Variants in SCUBE1 observed in about 807,000 individuals in gnomAD.
SCUBE1 encodes signal peptide, CUB and EGF-like domain-containing protein 1.
In SCUBE1, 59 loss-of-function variants were observed where a neutral mutation model predicts 124.4. The observed-to-expected ratio is 0.47, with a 90% CI of 0.38 to 0.59. The LOEUF is 0.59. Among genes scored for constraint, SCUBE1 ranks in the 20% least tolerant of loss-of-function variants. The pLI, the probability that SCUBE1 is intolerant of heterozygous loss-of-function variation, is 0.00. For missense variants in SCUBE1, 1,150 were observed against 1,371.2 expected, an observed-to-expected ratio of 0.84 and a Z score of 2.55; for synonymous variants, 545 against 550.9, an observed-to-expected ratio of 0.99 and a Z score of 0.15.
At chr22:43,291,504 TTTGCTGTGCTACAGTG>T in intron 3 of SCUBE1, among the ~76,000 whole-genome samples, 1 of 103,994 alleles carries the variant, frequency 9.6e-6, no homozygotes, top group Non-Finnish European at 2.3e-5. Flanking sequence ...GGGTCTCCAT[TTTGCTGTGCTACAGTG>T]GTACAGTGGG....
intron 4 of SCUBE1, among the ~76,000 whole-genome samples, chr22:43,279,504 A>C (rs1160889141): frequency 6.6e-6 from 1 of 152,262 alleles, no homozygotes. Context: ...CTATTGCGGC[A>C]GCCCTCACCA....
At chr22:43,235,877 A>G (rs1922740750) in intron 7 of SCUBE1, among the ~76,000 whole-genome samples, 1 of 152,082 alleles carries the variant, frequency 6.6e-6, no homozygotes, top group Non-Finnish European at 1.5e-5. Context: ...GGTACCCAGC[A>G]GGGAGCCCTT....
At chr22:43,319,006 G>A (rs75133096) in intron 3 of SCUBE1, among the ~76,000 whole-genome samples, 11,749 of 152,208 alleles carry the variant, frequency 0.077, 1,511 homozygotes, top group African/African-American at 0.27. Flanking sequence ...ACAAGTGTGA[G>A]CCACCACACC....
chr22:43,294,577 C>T (rs12160161), intron 3 of SCUBE1, among the ~76,000 whole-genome samples: 2,752 of 152,336 alleles, frequency 0.018, 100 homozygotes, highest in African/African-American at 0.064. Context: ...AAAAGGGGAA[C>T]CCACACCTGG....
intron 2 of SCUBE1, among the ~76,000 whole-genome samples, chr22:43,334,712 C>T (rs866437404): frequency 2.6e-5 from 4 of 151,984 alleles, no homozygotes; most frequent in South Asian, 2.1e-4. Flanking sequence ...CCCCCATCAC[C>T]CTCATCATCA....
chr22:43,285,681 A>C (rs1170556468), intron 4 of SCUBE1, among the ~76,000 whole-genome samples: 2 of 152,098 alleles, frequency 1.3e-5, no homozygotes, highest in African/African-American at 4.8e-5. Context: ...GGGCGGGGTG[A>C]GGAGCAGGGC....
At chr22:43,214,623 C>T (rs1161551987) in intron 15 of SCUBE1, among the ~76,000 whole-genome samples, 1 of 152,198 alleles carries the variant, frequency 6.6e-6, no homozygotes, top group Non-Finnish European at 1.5e-5. Context: ...GGATATGCTA[C>T]AGTCATTTCA....
chr22:43,291,019 T>A (rs763723471), intron 4 of SCUBE1, 27 bp downstream of exon 4: 2 of 1,558,030 alleles, frequency 1.3e-6, no homozygotes, highest in Non-Finnish European at 1.8e-6. Flanking sequence ...GGGGGGGACA[T>A]GCCTGGTCAG....
intron 4 of SCUBE1, among the ~76,000 whole-genome samples, chr22:43,279,719 C>CA (rs1413064402): frequency 2.0e-5 from 3 of 152,342 alleles, no homozygotes; most frequent in East Asian, 3.9e-4. Context: ...CAGCTTCTGT[C>CA]ACAGCCCTCC....
At chr22:43,339,040 A>AT in intron 2 of SCUBE1, 64 bp downstream of exon 2, 1 of 1,594,940 alleles carries the variant, frequency 6.3e-7, no homozygotes, top group South Asian at 1.1e-5. Flanking sequence ...TGGGGCAGGC[A>AT]TCGGCCACCT....
chr22:43,343,116 C>T (rs1238811974), intron 1 of SCUBE1, 58 bp downstream of exon 1: 2 of 888,246 alleles, frequency 2.3e-6, no homozygotes, highest in Admixed American at 5.2e-5. Context: ...TCCGGGACCG[C>T]GCCTCGGCCG....
At position 43,320,058 on chromosome 22, in the gene SCUBE1, G is replaced by A. The variant is rs1465064954; in HGVS notation, c.228C>T (p.Asp76=). The change falls in exon 3 of 22, where the codon GAC becomes GAT. Residue 76 remains aspartate (D), a synonymous_variant. Coordinates refer to ENST00000360835, the MANE Select transcript of SCUBE1 (RefSeq NM_173050.5). Reference sequence around the variant, plus strand: ...CATTGTAGTAGTCATTCTCACACTCGTCAATGTCTGCAAAAGGAAGGGCAT... The same window carrying A: ...CATTGTAGTAGTCATTCTCACACTCATCAATGTCTGCAAAAGGAAGGGCAT... ...KGEGKQCEDI[D]ECENDYYNGG... 4.3e-6 allele frequency: 7 copies of A among 1,613,890 alleles called. No individual in the cohort carries two copies. The highest frequency in any genetic ancestry group is 2.2e-5 in the East Asian group (1 of 44,872).
chr22:43,305,255 T>C (rs984079801), intron 3 of SCUBE1, among the ~76,000 whole-genome samples: 1 of 152,168 alleles, frequency 6.6e-6, no homozygotes, highest in Non-Finnish European at 1.5e-5. Flanking sequence ...CTTGCTCTAT[T>C]GGAGGGGTGA....
intron 7 of SCUBE1, among the ~76,000 whole-genome samples, chr22:43,235,030 T>G (rs1922700804): frequency 6.6e-6 from 1 of 152,132 alleles, no homozygotes; most frequent in Non-Finnish European, 1.5e-5. Flanking sequence ...TCCCTCTTCA[T>G]GGGAGCTAAT....
At chr22:43,339,055 C>G in intron 2 of SCUBE1, 49 bp downstream of exon 2, 1 of 1,607,432 alleles carries the variant, frequency 6.2e-7, no homozygotes, top group Non-Finnish European at 8.5e-7. Context: ...CCACCTACAG[C>G]AGCCCTGGCA....
intron 13 of SCUBE1, among the ~76,000 whole-genome samples, 166 bp downstream of exon 13, chr22:43,221,007 A>G (rs1922067105): frequency 6.6e-6 from 1 of 152,096 alleles, no homozygotes. Flanking sequence ...CTGTTTCCCC[A>G]GCCTGCAATG....
chr22:43,207,622 C>G lies in SCUBE1; in HGVS notation c.2735-9G>C, dbSNP rs368435459. The G allele has an allele frequency of 1.9e-6, 3 of 1,612,046 alleles. No homozygotes were observed. In the African/African-American group the frequency reaches 4.0e-5, roughly 22 times the overall value. The stretch of plus-strand genomic sequence containing the variant: ...GAGTTGCTGGTAGTCCTCTGGGCAG[C>G]GGGTCAGCAGGGGGAGAGGAAGGCG... On this transcript the variant is annotated splice_polypyrimidine_tract_variant and intron_variant, in intron 20 of 21. Coordinates refer to ENST00000360835, the MANE Select transcript of SCUBE1 (RefSeq NM_173050.5).
chr22:43,270,625 T>C (rs753597855), intron 4 of SCUBE1: 6 of 152,318 alleles, frequency 3.9e-5, no homozygotes, highest in Admixed American at 6.5e-5. Flanking sequence ...AACATCGCCC[T>C]GCAGGGCAAG....
At chr22:43,303,366 T>G (rs1925846967) in intron 3 of SCUBE1, among the ~76,000 whole-genome samples, 1 of 152,244 alleles carries the variant, frequency 6.6e-6, no homozygotes, top group South Asian at 2.1e-4. Context: ...ATCCATGCCC[T>G]GCATTGGCTC....
Sources: allele counts gnomAD v4.1 joint callset (sites outside exome capture counted in the v4.1 genomes callset), GRCh38; gene constraint gnomAD v4.1.1; transcripts MANE v1.5; gene names NCBI Gene and HGNC (gene_info 2026-07-23, HGNC 2026-07-21).